The following ERC1 variants were observed in gnomAD, a reference collection of about 807,000 sequenced individuals.
The protein encoded by ERC1 is RAB6 interacting protein 2.
ERC1 carries 56 observed loss-of-function variants against 132.0 expected under a neutral mutation model. The observed-to-expected ratio is 0.42, with a 90% CI of 0.34 to 0.53. The LOEUF (loss-of-function observed/expected upper bound fraction) is 0.53. Ranked by LOEUF, ERC1 falls within the 20% of genes least tolerant of loss-of-function variation. The pLI is 0.03. For synonymous variants in ERC1, 478 were observed against 476.1 expected (o/e 1.00, Z -0.05); for missense variants, 1,202 against 1,349.9 (o/e 0.89, Z 1.72).
Position 1,234,557 on chromosome 12 carries a change from T to C in ERC1, c.2352-2212T>C, listed in dbSNP as rs1321763077. ...CAGAGGCTGCTGTTGGGTTTTTTGT[T>C]GCTGTAGTTGGTTGGTTGGTTTGGT... On this transcript the variant is annotated intron_variant, in intron 12 of 18. Transcript: ENST00000360905. Among the ~76,000 whole-genome samples the C allele has an allele frequency of 5.3e-5, 8 of 152,324 alleles. No individual in the cohort carries two copies. The East Asian group carries it at 1.3e-3, about 26-fold the overall frequency.
At chr12:1,094,468 T>C (rs1158490357) in intron 3 of ERC1, among the ~76,000 whole-genome samples, 1 of 149,280 alleles carries the variant, frequency 6.7e-6, no homozygotes, top group East Asian at 2.0e-4. Flanking sequence ...TGGAGTGCAG[T>C]GGTGCGATCT....
chr12:1,288,376 A>T (rs2079179782), intron 14 of ERC1, among the ~76,000 whole-genome samples: 1 of 152,168 alleles, frequency 6.6e-6, no homozygotes, highest in South Asian at 2.1e-4. Flanking sequence ...TGGCCTCCCA[A>T]AGTGCTGAGA....
At chr12:1,168,421 C>T (rs1454767248) in intron 8 of ERC1, among the ~76,000 whole-genome samples, 1 of 151,534 alleles carries the variant, frequency 6.6e-6, no homozygotes, top group Admixed American at 6.6e-5. Context: ...ACTGCACTGG[C>T]CAAATTTGGC....
chr12:1,159,556 G>T (rs966538638), intron 8 of ERC1, among the ~76,000 whole-genome samples: 1 of 152,072 alleles, frequency 6.6e-6, no homozygotes, highest in African/African-American at 2.4e-5. Flanking sequence ...ATTAACTTGG[G>T]GCCATAGTGA....
At chr12:1,055,253 C>A (rs1972737000) in intron 2 of ERC1, among the ~76,000 whole-genome samples, 2 of 152,038 alleles carry the variant, frequency 1.3e-5, no homozygotes. Flanking sequence ...GATCTCTGTT[C>A]ACTGCAACCT....
chr12:1,139,649 G>C (rs556058673), intron 7 of ERC1, among the ~76,000 whole-genome samples: 1 of 152,068 alleles, frequency 6.6e-6, no homozygotes, highest in Non-Finnish European at 1.5e-5. Context: ...ACACATGCAG[G>C]AAGGCCCAGA....
In ERC1 at chr12:1,241,847, C is replaced by CTTTTTTTTTTT. The variant is rs57016547; in HGVS notation, c.2487+4960_2487+4970dup. 3.5e-4 allele frequency among the ~76,000 whole-genome samples: 28 copies of CTTTTTTTTTTT among 80,492 alleles called. 1 individual carries two copies. Among genetic ancestry groups the CTTTTTTTTTTT allele is most frequent in the East Asian group, 1.1e-3 (3 of 2,666 alleles). 52.8% of individuals were successfully genotyped at this position (80,492 alleles called of 152,430 possible). ...CCAATTTTTTGCATTTCTTCTTCTT[C>CTTTTTTTTTTT]TTTTTTTTTTTTTTTTTTTTTTTTT... On this transcript the variant is annotated intron_variant, in intron 13 of 18. Coordinates refer to ENST00000360905, the MANE Select transcript of ERC1 (RefSeq NM_178040.4).
Position 1,083,009 on chromosome 12 carries a change from A to C in ERC1, c.670-155A>C, listed in dbSNP as rs139463545. 5.0e-3 allele frequency: 3,134 copies of C among 629,252 alleles called. 15 individuals are homozygous for C. Among genetic ancestry groups the C allele is most frequent in the Middle Eastern group, 0.014 (32 of 2,348 alleles). 39.0% of individuals were successfully genotyped at this position (629,252 alleles called of 1,614,324 possible). On this transcript the variant is annotated intron_variant, in intron 2 of 18. Transcript: ENST00000360905. ...TTACTGACATTTTGCATATTATCTC[A>C]ATCATTTTTTAAGGACCTGTAAAAC...
intron 16 of ERC1, among the ~76,000 whole-genome samples, chr12:1,404,132 G>T (rs1378921403): frequency 1.3e-5 from 2 of 152,138 alleles, no homozygotes; most frequent in Non-Finnish European, 2.9e-5. Context: ...CACCATTTTG[G>T]AGACCAGAAG....
At chr12:1,250,713 G>A (rs1313760529) in intron 13 of ERC1, among the ~76,000 whole-genome samples, 2 of 152,274 alleles carry the variant, frequency 1.3e-5, no homozygotes, top group South Asian at 2.1e-4. Context: ...AATTCTTTGA[G>A]CAGTGACACT....
chr12:1,333,546 TG>T (rs2083061406), intron 15 of ERC1, among the ~76,000 whole-genome samples: 1 of 152,006 alleles, frequency 6.6e-6, no homozygotes, highest in Non-Finnish European at 1.5e-5. Context: ...TTGGCCACGG[TG>T]GTCTCGATCT....
chr12:1,349,371 G>T (rs1284548059), intron 15 of ERC1, among the ~76,000 whole-genome samples: 1 of 152,138 alleles, frequency 6.6e-6, no homozygotes, highest in Non-Finnish European at 1.5e-5. Flanking sequence ...GGCTTAAAAA[G>T]AGTTCTTTTT....
chr12:1,463,009 G>A lies in ERC1; in HGVS notation c.3213+18259G>A, dbSNP rs189793872. Among the ~76,000 whole-genome samples, 81 of 152,120 alleles carry A rather than the reference G, an allele frequency of 5.3e-4. 1 individual carries two copies. In the East Asian group the frequency reaches 0.014, roughly 25 times the overall value. On this transcript the variant is annotated intron_variant, in intron 18 of 18. Coordinates refer to ENST00000360905, the MANE Select transcript of ERC1 (RefSeq NM_178040.4). Reference sequence around the variant, plus strand: ...CAGTGGAATCAACTTTCATCAGCCAGCCCCTCTGTGGCTCACTGAGCTTTG... The same window carrying A: ...CAGTGGAATCAACTTTCATCAGCCAACCCCTCTGTGGCTCACTGAGCTTTG...
intron 12 of ERC1, among the ~76,000 whole-genome samples, chr12:1,225,739 G>A (rs1478137283): frequency 3.3e-5 from 5 of 151,902 alleles, no homozygotes; most frequent in African/African-American, 1.2e-4. Flanking sequence ...TATTCCACAT[G>A]TCATAATGCC....
chr12:990,318 C>T (rs1046500746), upstream of ERC1: 2 of 151,792 alleles, frequency 1.3e-5, no homozygotes, highest in East Asian at 3.9e-4. Context: ...TATCTACATC[C>T]TTAAATTAAT....
At chr12:1,091,301 T>G (rs1943188097) in intron 3 of ERC1, among the ~76,000 whole-genome samples, 1 of 152,160 alleles carries the variant, frequency 6.6e-6, no homozygotes, top group Admixed American at 6.5e-5. Flanking sequence ...GAGTGCTAAT[T>G]AAGTTGGGAA....
chr12:1,140,408 A>C (rs140595502), intron 7 of ERC1, among the ~76,000 whole-genome samples: 1 of 152,174 alleles, frequency 6.6e-6, no homozygotes, highest in Non-Finnish European at 1.5e-5. Flanking sequence ...GAATATTTGC[A>C]TTATACTTAT....
At position 1,278,595 on chromosome 12, in the gene ERC1, A is replaced by G. The variant is rs143682330; in HGVS notation, c.2620-11257A>G. On this transcript the variant is annotated intron_variant, in intron 14 of 18. Coordinates refer to ENST00000360905, the MANE Select transcript of ERC1 (RefSeq NM_178040.4). ...TAATGGAATCAGATTCTGAATATTG[A>G]TAGATTAGAAAACAACACAAATCTT... Among the ~76,000 whole-genome samples, 666 of 152,298 alleles carry G rather than the reference A, an allele frequency of 4.4e-3. 3 individuals carry two copies. The highest frequency in any genetic ancestry group is 0.015 in the African/African-American group (622 of 41,572).
At chr12:1,244,875 A>T (rs951304909) in intron 13 of ERC1, 1 of 154,206 alleles carries the variant, frequency 6.5e-6, no homozygotes, top group African/African-American at 2.4e-5. Context: ...CCGTTTTGAT[A>T]TTCAAAGGTC....
Sources: gnomAD v4.1 joint callset for allele counts (sites outside exome capture counted in the v4.1 genomes callset) on GRCh38, gnomAD v4.1.1 for gene constraint, MANE v1.5 for transcripts, NCBI Gene and HGNC (gene_info 2026-07-23, HGNC 2026-07-21) for gene names.